The following CAP1 variants were observed in gnomAD, a reference collection of about 807,000 sequenced individuals.
CAP1 encodes adenylyl cyclase-associated protein 1.
CAP1 carries 11 observed loss-of-function variants against 58.2 expected under a neutral mutation model. That is an observed-to-expected ratio of 0.19 (90% CI 0.12 to 0.31). The LOEUF (loss-of-function observed/expected upper bound fraction) is 0.31. Ranked by LOEUF, CAP1 falls within the 10% of genes least tolerant of loss-of-function variation. CAP1 has a pLI of 1.00. For missense variants in CAP1, 423 were observed against 587.5 expected (o/e 0.72, Z 2.89); for synonymous variants, 183 against 213.8 (o/e 0.86, Z 1.26).
At chr1:40,062,229 CTTT>C (rs1243119403) in intron 4 of CAP1, among the ~76,000 whole-genome samples, 12 of 140,448 alleles carry the variant, frequency 8.5e-5, no homozygotes, top group African/African-American at 2.9e-4. Context: ...GAGACTCTCT[CTTT>C]AATTTTACTC....
intron 7 of CAP1, among the ~76,000 whole-genome samples, chr1:40,066,913 T>TG (rs1044676127): frequency 1.3e-5 from 2 of 152,214 alleles, no homozygotes; most frequent in African/African-American, 2.4e-5. Flanking sequence ...GAAGGTAGGC[T>TG]GAGACTTTGG....
At chr1:40,051,429 G>A (rs1242599231) in intron 1 of CAP1, among the ~76,000 whole-genome samples, 8 of 152,024 alleles carry the variant, frequency 5.3e-5, no homozygotes, top group Non-Finnish European at 8.8e-5. Flanking sequence ...AGGCATGGTG[G>A]CATGTAGTTA....
intron 8 of CAP1, among the ~76,000 whole-genome samples, chr1:40,068,161 C>T (rs1426125591): frequency 1.3e-5 from 2 of 152,206 alleles, no homozygotes; most frequent in Non-Finnish European, 2.9e-5. Context: ...CTGAGTTGTC[C>T]AGCCACTTCT....
At position 40,059,334 on chromosome 1, in the gene CAP1, C is replaced by T; in HGVS notation, c.-10-3C>T. The T allele has an allele frequency of 2.7e-6, 4 of 1,485,288 alleles. No individual in the cohort carries two copies. Among genetic ancestry groups the T allele is most frequent in the Non-Finnish European group, 3.8e-6 (4 of 1,062,636 alleles). The allele number at this position is 1,485,288 out of a possible 1,614,324, so 92.0% of individuals were successfully genotyped here. ...ACAAATGACATTTGATCTGTTTCAG[C>T]AGGTGGTCCATTATGGCTGACATGC... is the stretch of plus-strand genomic sequence containing the variant. On this transcript the variant is annotated splice_polypyrimidine_tract_variant and splice_region_variant and intron_variant, in intron 1 of 12. Transcript: ENST00000372805.
At position 40,060,113 on chromosome 1, in the gene CAP1, T is replaced by G. The variant is rs751360636; in HGVS notation, c.159T>G (p.Gly53=). ...AGGCATTTGACTCGCTGCTTGCTGG[T>G]CCTGTGGCAGAGTACTTGAAGATCA... is the stretch of plus-strand genomic sequence containing the variant. ...YVQAFDSLLA[G]PVAEYLKISK... is the part of the protein sequence containing the mutation. Residue 53 remains glycine, a synonymous_variant, in exon 3 of 13, where the codon GGT becomes GGG. Coordinates refer to ENST00000372805, the MANE Select transcript of CAP1 (RefSeq NM_006367.4). The G allele has an allele frequency of 3.1e-6, 5 of 1,613,838 alleles. No homozygotes were observed. Among genetic ancestry groups the G allele is most frequent in the Non-Finnish European group, 4.2e-6 (5 of 1,179,840 alleles).
At position 40,059,391 on chromosome 1, in the gene CAP1, G is replaced by C; in HGVS notation, c.45G>C (p.Val15=). 4.3e-6 allele frequency: 7 copies of C among 1,613,880 alleles called. No homozygotes were observed. The highest frequency in any genetic ancestry group is 5.1e-6 in the Non-Finnish European group (6 of 1,179,808). Residue 15 remains valine (V), a synonymous_variant, in exon 2 of 13, where the codon GTG becomes GTC. Coordinates refer to ENST00000372805, the MANE Select transcript of CAP1 (RefSeq NM_006367.4). ...TGGTAGAAAGATTGGAGAGGGCAGTGGGCCGCCTGGAGGCAGTATCTCATA... is the reference window on the plus strand; with the variant it reads ...TGGTAGAAAGATTGGAGAGGGCAGTCGGCCGCCTGGAGGCAGTATCTCATA... ...QNLVERLERA[V]GRLEAVSHTS... is the part of the protein sequence containing the mutation.
rs755566066 is a variant in CAP1 at position 40,067,756 on chromosome 1, G to A, written c.808+39G>A. On this transcript the variant is annotated intron_variant, in intron 8 of 12. Coordinates refer to ENST00000372805, the MANE Select transcript of CAP1 (RefSeq NM_006367.4). ...TGGACACGAACAGTAGGTACAACAA[G>A]TTGTGTGGGCCAGACCCCACCAACC... The A allele has an allele frequency of 1.0e-5, 15 of 1,486,516 alleles. No homozygotes were observed. The South Asian group carries it at 1.6e-4, about 16-fold the overall frequency. 92.1% of individuals were successfully genotyped at this position (1,486,516 alleles called of 1,614,324 possible). A position where few individuals can be genotyped will look rare whatever the true frequency, so the allele number is the denominator to read the frequency against.
intron 1 of CAP1, among the ~76,000 whole-genome samples, chr1:40,048,050 CTT>C (rs869236451): frequency 4.8e-5 from 7 of 144,874 alleles, no homozygotes; most frequent in Non-Finnish European, 4.6e-5. Context: ...TAGATGGCAT[CTT>C]TTTTTTTTTT....
chr1:40,049,911 C>T (rs1379965578), intron 1 of CAP1, among the ~76,000 whole-genome samples: 1 of 152,158 alleles, frequency 6.6e-6, no homozygotes, highest in Non-Finnish European at 1.5e-5. Flanking sequence ...ACAGTTAGTA[C>T]TTGTTCTCAG....
At chr1:40,068,649 A>G (rs1188304284) in intron 8 of CAP1, among the ~76,000 whole-genome samples, 1 of 151,804 alleles carries the variant, frequency 6.6e-6, no homozygotes, top group East Asian at 1.9e-4. Context: ...GAAAAAAAAA[A>G]TCTAGTATGT....
intron 1 of CAP1, among the ~76,000 whole-genome samples, chr1:40,045,428 A>G (rs1646046730): frequency 6.6e-6 from 1 of 152,182 alleles, no homozygotes; most frequent in Admixed American, 6.5e-5. Flanking sequence ...CCTTCAAGGA[A>G]TTTCTGGGTG....
chr1:40,066,164 A>C, intron 6 of CAP1, 51 bp from the exon 7 acceptor site: 1 of 1,005,322 alleles, frequency 9.9e-7, no homozygotes, highest in Non-Finnish European at 1.6e-6. Flanking sequence ...TGGAGTCACC[A>C]CTGTTATGTA....
intron 1 of CAP1, among the ~76,000 whole-genome samples, chr1:40,048,178 C>G (rs1646191798): frequency 6.6e-6 from 1 of 152,136 alleles, no homozygotes; most frequent in Non-Finnish European, 1.5e-5. Flanking sequence ...GCCATTGCAC[C>G]CACCCACCAT....
chr1:40,066,822 T>TG (rs2124410498), intron 7 of CAP1, among the ~76,000 whole-genome samples: 1 of 152,214 alleles, frequency 6.6e-6, no homozygotes, highest in South Asian at 2.1e-4. Flanking sequence ...ACAAAATACA[T>TG]GCAGAGTAAA....
At chr1:40,044,041 G>T (rs1488598238) in intron 1 of CAP1, among the ~76,000 whole-genome samples, 1 of 152,176 alleles carries the variant, frequency 6.6e-6, no homozygotes, top group Admixed American at 6.5e-5. Context: ...ATATTGTTAA[G>T]ATTCAGTGAG....
At position 40,072,252 on chromosome 1, in the gene CAP1, GAA is replaced by G. The variant is rs61352266; in HGVS notation, c.*737_*738del. Reference sequence around the variant, plus strand: ...CTTCCTATAGAGATGACTTTAAAAGGAAAAAAAAAAAAAAAAAAACCCACATG... The same window carrying G: ...CTTCCTATAGAGATGACTTTAAAAGGAAAAAAAAAAAAAAAAACCCACATG... On this transcript the variant is annotated 3_prime_UTR_variant, in exon 13 of 13. Coordinates refer to ENST00000372805, the MANE Select transcript of CAP1 (RefSeq NM_006367.4). 712 of 157,820 alleles carry G rather than the reference GAA, an allele frequency of 4.5e-3. No homozygotes were observed. Among genetic ancestry groups the G allele is most frequent in the Non-Finnish European group, 5.4e-3 (489 of 91,292 alleles). 9.8% of individuals were successfully genotyped at this position (157,820 alleles called of 1,614,324 possible). A position where few individuals can be genotyped will look rare whatever the true frequency, so the allele number is the denominator to read the frequency against.
chr1:40,070,376 G>T (rs941953800), intron 10 of CAP1, 54 bp from the exon 11 acceptor site: 15 of 1,579,878 alleles, frequency 9.5e-6, no homozygotes, highest in Non-Finnish European at 1.3e-5. Context: ...ATTCCTAAAT[G>T]TATATTACTT....
At chr1:40,049,124 G>A (rs1415858307) in intron 1 of CAP1, among the ~76,000 whole-genome samples, 1 of 145,190 alleles carries the variant, frequency 6.9e-6, no homozygotes, top group Non-Finnish European at 1.5e-5. Context: ...GGGTTAAGTT[G>A]TTAGAAGTAT....
intron 1 of CAP1, among the ~76,000 whole-genome samples, chr1:40,045,831 A>G (rs1646068888): frequency 6.6e-6 from 1 of 152,132 alleles, no homozygotes; most frequent in South Asian, 2.1e-4. Flanking sequence ...GATTACAGGC[A>G]TGAGCCACCA....
Sources: gnomAD v4.1 joint callset for allele counts (sites outside exome capture counted in the v4.1 genomes callset) on GRCh38, gnomAD v4.1.1 for gene constraint, MANE v1.5 for transcripts, NCBI Gene and HGNC (gene_info 2026-07-23, HGNC 2026-07-21) for gene names.